Variants in COL5A2 observed in about 807,000 individuals in gnomAD.
COL5A2 encodes the protein collagen alpha-2(V) chain.
In COL5A2, 23 loss-of-function variants were observed where a neutral mutation model predicts 208.2. That is an observed-to-expected ratio of 0.11 (90% CI 0.08 to 0.16). COL5A2 has a LOEUF of 0.16. Among genes scored for constraint, COL5A2 ranks in the 10% least tolerant of loss-of-function variants. The probability of loss-of-function intolerance (pLI) is 1.00; values close to 1 mark genes in which losing one functional copy is unlikely to be tolerated. For missense variants in COL5A2, 1,590 were observed against 1,956.4 expected, an observed-to-expected ratio of 0.81 and a Z score of 3.53; for synonymous variants, 625 against 628.5, an observed-to-expected ratio of 0.99 and a Z score of 0.08.
the COL5A2 span, among the ~76,000 whole-genome samples, chr2:189,402,593 C>T: frequency 6.6e-6 from 1 of 152,152 alleles, no homozygotes; most frequent in Non-Finnish European, 1.5e-5. Flanking sequence ...GGAAGGGGTC[C>T]AGTTTCAATT....
At chr2:189,415,738 C>A in the COL5A2 span, among the ~76,000 whole-genome samples, 1 of 152,202 alleles carries the variant, frequency 6.6e-6, no homozygotes, top group African/African-American at 2.4e-5. Context: ...CGCCTCACTG[C>A]AAGCTCCGCC....
intron 1 of COL5A2, among the ~76,000 whole-genome samples, chr2:189,196,586 G>A (rs555575917): frequency 2.5e-4 from 37 of 149,712 alleles, no homozygotes; most frequent in Non-Finnish European, 3.0e-5. Context: ...TTTCTGCTGG[G>A]TTAAGGAAAA....
chr2:189,428,713 T>C, the COL5A2 span, among the ~76,000 whole-genome samples: 3 of 152,218 alleles, frequency 2.0e-5, no homozygotes, highest in South Asian at 2.1e-4. Context: ...TCTGCCATGA[T>C]TGCAAGTTTC....
chr2:189,317,290 T>C, the COL5A2 span, among the ~76,000 whole-genome samples: 4 of 152,138 alleles, frequency 2.6e-5, no homozygotes, highest in Non-Finnish European at 5.9e-5. Context: ...TAATTTGACT[T>C]ATCCTGGCAG....
the COL5A2 span, among the ~76,000 whole-genome samples, chr2:189,364,113 T>C: frequency 6.6e-6 from 1 of 152,214 alleles, no homozygotes; most frequent in East Asian, 1.9e-4. Context: ...CAGGAACACA[T>C]GCAATAATGC....
intron 1 of COL5A2, among the ~76,000 whole-genome samples, chr2:189,171,424 C>T (rs1245641004): frequency 1.3e-5 from 2 of 152,094 alleles, no homozygotes; most frequent in Admixed American, 6.5e-5. Flanking sequence ...GATGCTATCA[C>T]AGTAACTGAG....
At chr2:189,278,693 C>G in the COL5A2 span, among the ~76,000 whole-genome samples, 1 of 151,708 alleles carries the variant, frequency 6.6e-6, no homozygotes, top group Non-Finnish European at 1.5e-5. Context: ...TTTATTTCTT[C>G]TTTTCTTTTT....
At chr2:189,269,830 A>G in the COL5A2 span, among the ~76,000 whole-genome samples, 1 of 152,014 alleles carries the variant, frequency 6.6e-6, no homozygotes, top group Non-Finnish European at 1.5e-5. Flanking sequence ...TCCTCTTTGT[A>G]CCTCTGGTAG....
the COL5A2 span, among the ~76,000 whole-genome samples, chr2:189,328,570 C>T: frequency 6.6e-6 from 1 of 152,196 alleles, no homozygotes; most frequent in African/African-American, 2.4e-5. Flanking sequence ...AGGTTCCTCC[C>T]AGTCCCACAA....
intron 36 of COL5A2, 92 bp downstream of exon 36, chr2:189,054,067 T>A (rs1305621404): frequency 7.2e-7 from 1 of 1,386,322 alleles, no homozygotes; most frequent in Non-Finnish European, 1.0e-6. Flanking sequence ...CTTGCTCAGA[T>A]ACCATATGTT....
the COL5A2 span, among the ~76,000 whole-genome samples, chr2:189,440,537 T>C: frequency 2.0e-5 from 3 of 152,256 alleles, no homozygotes; most frequent in South Asian, 2.1e-4. Flanking sequence ...CACCATGTTA[T>C]ATGCATTGAT....
At chr2:189,130,171 G>A (rs1181435167) in intron 1 of COL5A2, among the ~76,000 whole-genome samples, 1 of 152,030 alleles carries the variant, frequency 6.6e-6, no homozygotes, top group African/African-American at 2.4e-5. Context: ...AATTTCACAT[G>A]AGAATTTTCC....
chr2:189,125,394 A>G (rs1474501807), intron 1 of COL5A2, among the ~76,000 whole-genome samples: 1 of 152,158 alleles, frequency 6.6e-6, no homozygotes, highest in Non-Finnish European at 1.5e-5. Flanking sequence ...TCCACACCAA[A>G]TTGCACATAC....
intron 46 of COL5A2, 106 bp from the exon 47 acceptor site, chr2:189,045,338 A>ATG (rs1430831984): frequency 2.7e-4 from 188 of 706,998 alleles, no homozygotes; most frequent in South Asian, 1.7e-3. Flanking sequence ...GCATATATAT[A>ATG]TATGTGTGTG....
intron 29 of COL5A2, 41 bp downstream of exon 29, chr2:189,062,824 A>C: frequency 6.3e-7 from 1 of 1,582,796 alleles, no homozygotes; most frequent in Non-Finnish European, 8.7e-7. Context: ...CAATGTGTGT[A>C]TATATATATT....
At chr2:189,350,127 A>G in the COL5A2 span, among the ~76,000 whole-genome samples, 2 of 152,318 alleles carry the variant, frequency 1.3e-5, no homozygotes, top group South Asian at 4.1e-4. Context: ...AACTTTGAGG[A>G]GTAGACATCT....
chr2:189,188,104 T>A (rs1184664281), intron 1 of COL5A2, among the ~76,000 whole-genome samples: 1 of 152,202 alleles, frequency 6.6e-6, no homozygotes, highest in Non-Finnish European at 1.5e-5. Flanking sequence ...ATATTATGTT[T>A]ATTGAGATGT....
the COL5A2 span, among the ~76,000 whole-genome samples, chr2:189,338,894 G>A: frequency 6.6e-5 from 10 of 151,696 alleles, no homozygotes; most frequent in South Asian, 2.1e-4. Flanking sequence ...TCCATTTCTC[G>A]TTGACTCTTG....
At chr2:189,164,991 GC>G (rs1311444239) in intron 1 of COL5A2, among the ~76,000 whole-genome samples, 2 of 152,146 alleles carry the variant, frequency 1.3e-5, no homozygotes, top group Non-Finnish European at 2.9e-5. Context: ...CAAAAATACT[GC>G]CCCAGGGCTC....
Sources: gnomAD v4.1 joint callset for allele counts (sites outside exome capture counted in the v4.1 genomes callset) on GRCh38, gnomAD v4.1.1 for gene constraint, MANE v1.5 for transcripts, NCBI Gene and HGNC (gene_info 2026-07-23, HGNC 2026-07-21) for gene names.